FES: variants seen among roughly 807,000 people sequenced by gnomAD.
FES encodes tyrosine-protein kinase Fes/Fps.
A neutral mutation model predicts 109.6 loss-of-function variants in FES; 83 were observed. The observed-to-expected ratio is 0.76, with a 90% CI of 0.63 to 0.91. FES has a LOEUF of 0.91. Among genes scored for constraint, FES ranks in the 40% least tolerant of loss-of-function variants. The pLI is 0.00. For synonymous variants in FES, 458 were observed against 442.1 expected (o/e 1.04, Z -0.45); for missense variants, 943 against 1,070.9 (o/e 0.88, Z 1.67).
In FES at chr15:90,889,714, G is replaced by A. The variant is rs953871049; in HGVS notation, c.926+78G>A. The A allele has an allele frequency of 4.8e-5, 77 of 1,604,650 alleles. No individual in the cohort carries two copies. Among genetic ancestry groups the A allele is most frequent in the East Asian group, 4.5e-4 (20 of 44,794 alleles). On this transcript the variant is annotated intron_variant, in intron 7 of 18. Transcript: ENST00000328850. The surrounding 1 kb of genome is among the most constrained non-coding windows in gnomAD (Gnocchi z 6.1). ...GTGTTTATGTAGGCAGGGCTAGGTC[G>A]TGGAGACTGTCCACACAGAGCTGTC...
rs1352319813 is a variant in FES, at chr15:90,886,951, C to G, written c.388-10C>G. The G allele has an allele frequency of 1.2e-6, 2 of 1,613,774 alleles. No individual in the cohort carries two copies. Among genetic ancestry groups the G allele is most frequent in the Non-Finnish European group, 1.7e-6 (2 of 1,179,818 alleles). ...CTGCTGCCCCACACTGGCCTCTCCT[C>G]TCTCCCTAGACCCACAGCCAGGACA... On this transcript the variant is annotated splice_polypyrimidine_tract_variant and intron_variant, in intron 3 of 18. Coordinates refer to ENST00000328850, the MANE Select transcript of FES (RefSeq NM_002005.4).
intron 12 of FES, 121 bp from the exon 13 acceptor site, chr15:90,891,937 C>A: frequency 2.4e-6 from 3 of 1,232,564 alleles, no homozygotes; most frequent in Admixed American, 1.9e-5. Context: ...CAGTGTGCTC[C>A]CCACGTGGTC....
chr15:90,893,431 C>G lies in FES; in HGVS notation c.2045+17C>G. The G allele has an allele frequency of 6.5e-7, 1 of 1,528,580 alleles. No homozygotes were observed. The highest frequency in any genetic ancestry group is 8.8e-7 in the Non-Finnish European group (1 of 1,142,574). 94.7% of individuals were successfully genotyped at this position (1,528,580 alleles called of 1,614,324 possible). The stretch of plus-strand genomic sequence containing the variant: ...CATCCACCGGTGAGTGGGCGGTGGC[C>G]ACGGGCCCTGCCAACACCCCCGACC... On this transcript the variant is annotated intron_variant, in intron 16 of 18. Transcript: ENST00000328850.
At position 90,895,304 on chromosome 15, in the gene FES, C is replaced by A. The variant is rs570538919; in HGVS notation, c.2327-112C>A. ...GGCCCTTGGTGGAGAACAGTGCATCCTTCAGAACAGTGCATCTTAAGCAGC... is the reference window on the plus strand; with the variant it reads ...GGCCCTTGGTGGAGAACAGTGCATCATTCAGAACAGTGCATCTTAAGCAGC... On this transcript the variant is annotated intron_variant, in intron 18 of 18. Coordinates refer to ENST00000328850, the MANE Select transcript of FES (RefSeq NM_002005.4). The A allele has an allele frequency of 1.1e-4, 109 of 964,180 alleles. 1 individual carries two copies. In the South Asian group the frequency reaches 2.5e-3, roughly 22 times the overall value. The allele number at this position is 964,180 out of a possible 1,614,324, so 59.7% of individuals were successfully genotyped here.
intron 16 of FES, 93 bp from the exon 17 acceptor site, chr15:90,893,561 G>A (rs2033435898): frequency 2.7e-6 from 4 of 1,500,658 alleles, no homozygotes; most frequent in Non-Finnish European, 3.6e-6. Flanking sequence ...CCCAGGGCCG[G>A]GAGCAGCTTT....
chr15:90,887,436 A>C (rs2032760284), intron 5 of FES, 66 bp downstream of exon 5: 8 of 1,476,396 alleles, frequency 5.4e-6, no homozygotes, highest in Admixed American at 2.2e-5. Flanking sequence ...CATCAGGCCC[A>C]GAGGCAGGAC....
In FES at chr15:90,889,960, G is replaced by A. The variant is rs183173261; in HGVS notation, c.1047G>A (p.Glu349=). The A allele has an allele frequency of 8.7e-5, 141 of 1,612,998 alleles. No homozygotes were observed. The East Asian group carries it at 2.9e-3, about 33-fold the overall frequency. The change falls in exon 8 of 19, where the codon GAG becomes GAA. Residue 349 remains glutamate, a splice_region_variant and synonymous_variant. Transcript: ENST00000328850. This position sits in a 1 kb window ranked among gnomAD's most constrained non-coding sequence, Gnocchi z 6.1. ...RNEEENTHPR[E]RVQLLGKRQV... is the part of the protein sequence containing the mutation. ...AAGAGGAGAACACCCACCCCCGGGA[G>A]CGGTGAGTGGGCCCCTGCCTGCAGC... is the stretch of plus-strand genomic sequence containing the variant.
chr15:90,886,515 G>A (rs972094871), intron 3 of FES, among the ~76,000 whole-genome samples: 1 of 152,166 alleles, frequency 6.6e-6, no homozygotes, highest in Admixed American at 6.5e-5. Flanking sequence ...CACTGATCTC[G>A]GGCTGTCATC....
At chr15:90,893,030 C>T (rs1016435120) in intron 14 of FES, 70 bp from the exon 15 acceptor site, 40 of 1,539,430 alleles carry the variant, frequency 2.6e-5, no homozygotes, top group Non-Finnish European at 3.4e-5. Flanking sequence ...AAGCTCTTCT[C>T]CCATCATCCC....
intron 3 of FES, among the ~76,000 whole-genome samples, chr15:90,886,116 G>A (rs958846612): frequency 6.6e-6 from 1 of 152,186 alleles, no homozygotes; most frequent in Non-Finnish European, 1.5e-5. Context: ...CCCATTCAGT[G>A]TGCTGGTCAC....
chr15:90,893,552 C>A, intron 16 of FES, 102 bp from the exon 17 acceptor site: 1 of 1,495,876 alleles, frequency 6.7e-7, no homozygotes, highest in Non-Finnish European at 8.9e-7. Flanking sequence ...ACAGGGGTGC[C>A]CAGGGCCGGG....
intron 3 of FES, 35 bp downstream of exon 3, chr15:90,885,620 GTCTAAAT>G: frequency 6.3e-7 from 1 of 1,596,326 alleles, no homozygotes; most frequent in Non-Finnish European, 8.5e-7. Flanking sequence ...GGTCATTTCT[GTCTAAAT>G]TTTGAGCCTC....
intron 3 of FES, among the ~76,000 whole-genome samples, chr15:90,886,057 A>C (rs4932373): frequency 0.24 from 37,222 of 152,120 alleles, 5,187 homozygotes; most frequent in Non-Finnish European, 0.33. Context: ...CCAGCTCCTC[A>C]GTCTAGAGGC....
In FES at chr15:90,891,573, G is replaced by C; in HGVS notation, c.1550G>C (p.Gly517Ala). 1 of 1,613,814 alleles carries C rather than the reference G, an allele frequency of 6.2e-7. No homozygotes were observed. The highest frequency in any genetic ancestry group is 2.2e-5 in the East Asian group (1 of 44,870). ...CTGCAGAACCTGTACCGACTGGAAG[G>C]GGAAGGCTTTCCTAGCATTCCTTTG... ...QSLDNLYRLE[G>A]EGFPSIPLLI... The change falls in exon 12 of 19, where the codon GGG (glycine) becomes GCG (alanine). Residue 517 changes from glycine to alanine, a missense_variant. By Grantham distance (60) the Gly-to-Ala change is moderately conservative. Coordinates refer to ENST00000328850, the MANE Select transcript of FES (RefSeq NM_002005.4).
At chr15:90,886,649 C>T (rs1248609426) in intron 3 of FES, among the ~76,000 whole-genome samples, 3 of 152,216 alleles carry the variant, frequency 2.0e-5, no homozygotes, top group African/African-American at 4.8e-5. Flanking sequence ...AAGCACAGGG[C>T]CCTTCTACAT....
chr15:90,890,723 G>A (rs906449559), intron 10 of FES, among the ~76,000 whole-genome samples: 12 of 886 alleles, frequency 0.014, no homozygotes, highest in Non-Finnish European at 0.071. Context: ...TTCAGGAGCG[G>A]GTTGGGGGCC....
rs1440031223 is a variant in FES, at chr15:90,892,820, A to G, written c.1821A>G (p.Glu607=). ...PPDLKAKFLQ[E]ARILKQYSHP... is the part of the protein sequence containing the mutation. Reference sequence around the variant, plus strand: ...ACCTCAAGGCCAAGTTTCTACAGGAAGCGAGGTGGGTGATAAACTAATGAT... The same window carrying G: ...ACCTCAAGGCCAAGTTTCTACAGGAGGCGAGGTGGGTGATAAACTAATGAT... The change falls in exon 14 of 19, where the codon GAA becomes GAG. Residue 607 remains glutamate, a synonymous_variant. Transcript: ENST00000328850. 8.1e-6 allele frequency: 13 copies of G among 1,613,422 alleles called. No homozygotes were observed. Among genetic ancestry groups the G allele is most frequent in the Middle Eastern group, 1.7e-4 (1 of 6,040 alleles).
rs190872088 is a variant in FES at position 90,893,827 on chromosome 15, C to A, written c.2203+16C>A. 718 of 1,591,762 alleles carry A rather than the reference C, an allele frequency of 4.5e-4. 6 individuals are homozygous for A. The African/African-American group carries it at 8.7e-3, about 19-fold the overall frequency. ...CTTAACTACGGTACCTAGTCCCTGT[C>A]TACCCTGGACTCCATGGCCAGAGGC... On this transcript the variant is annotated intron_variant, in intron 17 of 18. Coordinates refer to ENST00000328850, the MANE Select transcript of FES (RefSeq NM_002005.4).
In FES at chr15:90,893,329, C is replaced by G; in HGVS notation, c.1960C>G (p.Arg654Gly). 2 of 1,578,098 alleles carry G rather than the reference C, an allele frequency of 1.3e-6. No homozygotes were observed. The highest frequency in any genetic ancestry group is 1.7e-6 in the Non-Finnish European group (2 of 1,161,538). The change falls in exon 16 of 19, where the codon CGC becomes GGC. Residue 654 changes from arginine (R) to glycine (G), a missense_variant. Transcript: ENST00000328850. ...FLTFLRTEGARLRVKTLLQMV... is the reference protein window; with the variant it reads ...FLTFLRTEGAGLRVKTLLQMV... Reference sequence around the variant, plus strand: ...GACCTTCCTCCGCACGGAGGGGGCCCGCCTGCGGGTGAAGACTCTGCTGCA... The same window carrying G: ...GACCTTCCTCCGCACGGAGGGGGCCGGCCTGCGGGTGAAGACTCTGCTGCA...
Sources: gnomAD v4.1 joint callset for allele counts (sites outside exome capture counted in the v4.1 genomes callset) on GRCh38, gnomAD v4.1.1 for gene constraint, Gnocchi (gnomAD v3.1) non-coding constraint, MANE v1.5 for transcripts, NCBI Gene and HGNC (gene_info 2026-07-23, HGNC 2026-07-21) for gene names.